Variants in WWOX observed in about 807,000 individuals in gnomAD.
WWOX encodes the protein WW domain-containing oxidoreductase.
In WWOX, 69 loss-of-function variants were observed where a neutral mutation model predicts 46.2. That is an observed-to-expected ratio of 1.49 (90% CI 1.23 to 1.82). WWOX has a LOEUF of 1.82. Among genes scored for constraint, WWOX ranks in the 40% most tolerant of loss-of-function variants. The pLI, the probability that WWOX is intolerant of heterozygous loss-of-function variation, is 0.00. For synonymous variants in WWOX, 359 were observed against 202.6 expected (o/e 1.77, Z -6.56); for missense variants, 919 against 542.6 (o/e 1.69, Z -6.89).
intron 5 of WWOX, among the ~76,000 whole-genome samples, chr16:78,339,996 C>A (rs966870289): frequency 2.0e-5 from 1 of 50,944 alleles, no homozygotes; most frequent in African/African-American, 6.9e-5. Flanking sequence ...GATAGTTCTT[C>A]TAGTCTTTCC....
At chr16:78,374,848 C>A (rs2081781920) in intron 5 of WWOX, among the ~76,000 whole-genome samples, 1 of 152,002 alleles carries the variant, frequency 6.6e-6, no homozygotes, top group African/African-American at 2.4e-5. Context: ...CCGCACCCGG[C>A]CCTGTTTTTG....
intron 4 of WWOX, among the ~76,000 whole-genome samples, chr16:78,128,625 C>A (rs141868562): frequency 6.6e-6 from 1 of 152,168 alleles, no homozygotes; most frequent in African/African-American, 2.4e-5. Flanking sequence ...AACAGAATTG[C>A]TGGCCACATC....
intron 8 of WWOX, among the ~76,000 whole-genome samples, chr16:78,568,594 G>A (rs945637266): frequency 1.3e-5 from 2 of 150,760 alleles, no homozygotes; most frequent in Admixed American, 1.3e-4. Flanking sequence ...TCCTGCCTTA[G>A]CCTCCCGAGT....
At chr16:78,881,710 T>C (rs548798616) in intron 8 of WWOX, among the ~76,000 whole-genome samples, 3 of 152,350 alleles carry the variant, frequency 2.0e-5, no homozygotes, top group Non-Finnish European at 4.4e-5. Context: ...CATTAATCAC[T>C]TAAGAAGTAA....
At chr16:78,757,032 C>A (rs116332890) in intron 8 of WWOX, 3 of 702,862 alleles carry the variant, frequency 4.3e-6, no homozygotes, top group Middle Eastern at 2.3e-4. Flanking sequence ...GAACCACGTT[C>A]GAAGTTGATT....
chr16:79,019,279 A>T (rs2047483284), intron 8 of WWOX, among the ~76,000 whole-genome samples: 1 of 150,166 alleles, frequency 6.7e-6, no homozygotes, highest in East Asian at 2.0e-4. Context: ...TGGTTTCATC[A>T]TTGTGGAACA....
chr16:78,815,875 A>G (rs2051315772), intron 8 of WWOX, among the ~76,000 whole-genome samples: 1 of 152,014 alleles, frequency 6.6e-6, no homozygotes, highest in South Asian at 2.1e-4. Context: ...TAAACTTGAG[A>G]GTGACTTCCA....
At chr16:78,545,012 C>A (rs937601386) in intron 8 of WWOX, among the ~76,000 whole-genome samples, 1 of 151,936 alleles carries the variant, frequency 6.6e-6, no homozygotes, top group Non-Finnish European at 1.5e-5. Flanking sequence ...ACCAGCTTTA[C>A]AAAAGAGAGA....
chr16:78,197,864 C>T (rs1157255309), intron 5 of WWOX, among the ~76,000 whole-genome samples: 1 of 152,098 alleles, frequency 6.6e-6, no homozygotes, highest in Non-Finnish European at 1.5e-5. Context: ...GAAAACAGAG[C>T]CCCCATATGT....
chr16:78,997,822 C>T (rs187266267), intron 8 of WWOX, among the ~76,000 whole-genome samples: 5 of 152,244 alleles, frequency 3.3e-5, no homozygotes, highest in East Asian at 1.9e-4. Context: ...GCAGATTTCA[C>T]GCTGCCTTCC....
At chr16:78,216,167 C>T (rs957693951) in intron 5 of WWOX, among the ~76,000 whole-genome samples, 1 of 152,088 alleles carries the variant, frequency 6.6e-6, no homozygotes, top group East Asian at 1.9e-4. Flanking sequence ...TAAATAAGAA[C>T]AGCTGAAAAG....
At chr16:78,987,156 A>T (rs1317226973) in intron 8 of WWOX, among the ~76,000 whole-genome samples, 1 of 152,200 alleles carries the variant, frequency 6.6e-6, no homozygotes, top group Non-Finnish European at 1.5e-5. Context: ...AATTTTCAGA[A>T]GCACACGGGA....
intron 8 of WWOX, among the ~76,000 whole-genome samples, chr16:78,608,590 C>G (rs76690356): frequency 0.056 from 8,572 of 152,270 alleles, 280 homozygotes; most frequent in South Asian, 0.09. Flanking sequence ...GTTCGTCAGA[C>G]TTCTGCAGAC....
intron 8 of WWOX, among the ~76,000 whole-genome samples, chr16:78,817,138 C>T (rs1039629468): frequency 8.4e-5 from 11 of 130,768 alleles, no homozygotes; most frequent in African/African-American, 3.1e-4. Flanking sequence ...AAACATTTTC[C>T]TGTTGCCAGT....
chr16:78,748,838 C>T (rs935469698), intron 8 of WWOX, among the ~76,000 whole-genome samples: 3 of 152,190 alleles, frequency 2.0e-5, no homozygotes, highest in Non-Finnish European at 2.9e-5. Context: ...CTTGTAAAGC[C>T]ATATATCTTA....
At chr16:78,910,668 G>A (rs756302818) in intron 8 of WWOX, among the ~76,000 whole-genome samples, 1 of 151,934 alleles carries the variant, frequency 6.6e-6, no homozygotes, top group Non-Finnish European at 1.5e-5. Flanking sequence ...GGCAAACAAG[G>A]AGCAAAGTCA....
chr16:79,122,562 C>T (rs767722994), intron 8 of WWOX, among the ~76,000 whole-genome samples: 14 of 151,768 alleles, frequency 9.2e-5, no homozygotes, highest in Non-Finnish European at 1.9e-4. Context: ...TCCTTCCCCT[C>T]ATTCTTTCTT....
chr16:79,129,512 C>T (rs1481083237), intron 8 of WWOX, among the ~76,000 whole-genome samples: 1 of 151,408 alleles, frequency 6.6e-6, no homozygotes, highest in Non-Finnish European at 1.5e-5. Context: ...TAGGTTTAAG[C>T]TGCAGAAAAT....
At chr16:78,853,702 C>T (rs568287663) in intron 8 of WWOX, among the ~76,000 whole-genome samples, 1 of 152,010 alleles carries the variant, frequency 6.6e-6, no homozygotes, top group Non-Finnish European at 1.5e-5. Context: ...CACTCTCCTG[C>T]GTGGTGGGGG....
Sources: allele counts gnomAD v4.1 joint callset (sites outside exome capture counted in the v4.1 genomes callset), GRCh38; gene constraint gnomAD v4.1.1; transcripts MANE v1.5; gene names NCBI Gene and HGNC (gene_info 2026-07-23, HGNC 2026-07-21).